Variants in WDR87 observed in about 807,000 individuals in gnomAD.
WDR87 encodes WD repeat-containing protein 87.
Under a neutral mutation model 83.3 loss-of-function variants are expected in WDR87, and 56 were observed. The ratio of observed to expected loss-of-function variants is 0.67; its 90% CI spans 0.54 to 0.84. The LOEUF is 0.84. Ranked by LOEUF, WDR87 falls within the 40% of genes least tolerant of loss-of-function variation. The pLI is 0.00. For missense variants in WDR87, 2,939 were observed against 3,431.9 expected (o/e 0.86, Z 3.59); for synonymous variants, 1,173 against 1,250.6 (o/e 0.94, Z 1.31).
At position 37,885,023 on chromosome 19, in the gene WDR87, T is replaced by C; in HGVS notation, c.8648A>G (p.Tyr2883Cys). Reference sequence around the variant, plus strand: ...CTTCCAGGCAAGTTCTAAGATCCCATACCGGGCAATGCCCACGGGAAGGAT... The same window carrying C: ...CTTCCAGGCAAGTTCTAAGATCCCACACCGGGCAATGCCCACGGGAAGGAT... Reference protein sequence around the residue: ...RTILPVGIARYGILELAWKSL... With the variant: ...RTILPVGIARCGILELAWKSL... The change falls in exon 6 of 6, where the codon TAT (tyrosine) becomes TGT (cysteine). Residue 2883 changes from tyrosine to cysteine, a missense_variant. By Grantham distance (194) the Tyr-to-Cys change is radical (BLOSUM62 -2). Around this residue, in one of 3 missense-constraint regions of WDR87, gnomAD observed 2,160 missense variants for 2,533.1 expected, o/e 0.85. Transcript: ENST00000447313. 1.4e-6 allele frequency: 2 copies of C among 1,439,730 alleles called. No homozygotes were observed. Among genetic ancestry groups the C allele is most frequent in the Admixed American group, 2.9e-5 (1 of 34,886 alleles). The allele number at this position is 1,439,730 out of a possible 1,614,324, so 89.2% of individuals were successfully genotyped here.
chr19:37,898,041 G>T, intron 2 of WDR87, 124 bp downstream of exon 2: 2 of 1,089,552 alleles, frequency 1.8e-6, no homozygotes, highest in Non-Finnish European at 2.6e-6. Flanking sequence ...CTAAGGTGGT[G>T]ACTATAGTAT....
Position 37,887,337 on chromosome 19 carries a change from G to A in WDR87, c.6334C>T (p.Leu2112=), listed in dbSNP as rs1342564655. ...RESLSKEPAK[L]NKILKALQKL... ...TGAAGTGCCTTTAAGATTTTGTTCA[G>A]TTTTGCTGGTTCCTTGGAAAGGCTC... Residue 2112 remains leucine (L), a synonymous_variant, in exon 6 of 6, where the codon CTG becomes TTG. Transcript: ENST00000447313. 6.4e-7 allele frequency: 1 copy of A among 1,551,432 alleles called. No homozygotes were observed. The highest frequency in any genetic ancestry group is 1.4e-5 in the African/African-American group (1 of 73,028).
chr19:37,890,555 A>G (rs1014513495), intron 5 of WDR87, among the ~76,000 whole-genome samples: 13 of 152,056 alleles, frequency 8.5e-5, no homozygotes, highest in Admixed American at 4.6e-4. Flanking sequence ...AATTTTACTG[A>G]GGTATAATTT....
intron 2 of WDR87, among the ~76,000 whole-genome samples, 176 bp downstream of exon 2, chr19:37,897,989 C>T (rs543471448): frequency 7.3e-4 from 111 of 152,262 alleles, no homozygotes; most frequent in African/African-American, 2.4e-3. Context: ...AATGTCCTTG[C>T]GAGAAGTCTG....
chr19:37,894,692 A>G lies in WDR87; in HGVS notation c.1011T>C (p.Thr337=). The change falls in exon 4 of 6, where the codon ACT becomes ACC. Residue 337 remains threonine (T), a synonymous_variant. Coordinates refer to ENST00000447313, the MANE Select transcript of WDR87 (RefSeq NM_001291088.2). ...LYRLQFIDSI[T]FFCQTAHSFS... ...AACTATGGGCAGTTTGGCAGAAGAA[A>G]GTAATGCTGTCAATAAACTGGAGCC... is the stretch of plus-strand genomic sequence containing the variant. 6.4e-7 allele frequency: 1 copy of G among 1,551,760 alleles called. No homozygotes were observed. The highest frequency in any genetic ancestry group is 8.7e-7 in the Non-Finnish European group (1 of 1,147,006).
intron 1 of WDR87, among the ~76,000 whole-genome samples, chr19:37,906,270 A>C (rs2046327889): frequency 6.6e-6 from 1 of 151,998 alleles, no homozygotes; most frequent in Non-Finnish European, 1.5e-5. Flanking sequence ...AGGTGTAGGT[A>C]CTCTACAAAC....
rs1599767094 is a variant in WDR87, at chr19:37,894,768, A to G, written c.935T>C (p.Leu312Pro). The G allele has an allele frequency of 4.5e-6, 7 of 1,551,742 alleles. No individual in the cohort carries two copies. The East Asian group carries it at 1.7e-4, about 38-fold the overall frequency. Residue 312 changes from leucine (L) to proline (P), a missense_variant, in exon 4 of 6, where the codon CTG becomes CCG. Coordinates refer to ENST00000447313, the MANE Select transcript of WDR87 (RefSeq NM_001291088.2). ...GSDSLIKEWNLTSGSLLRRLE... is the reference protein window; with the variant it reads ...GSDSLIKEWNPTSGSLLRRLE... Reference sequence around the variant, plus strand: ...CCGCCGAAGCAGGCTCCCTGAAGTCAGGTTCCACTCCTTGATTAGGCTGTC... The same window carrying G: ...CCGCCGAAGCAGGCTCCCTGAAGTCGGGTTCCACTCCTTGATTAGGCTGTC...
chr19:37,886,746 T>A lies in WDR87; in HGVS notation c.6925A>T (p.Lys2309Ter). The change falls in exon 6 of 6, where the codon AAG (lysine) becomes TAG (stop). Residue 2309 changes from lysine (K) to a stop codon, truncating the protein, a stop_gained. Transcript: ENST00000447313. LOFTEE classifies it low-confidence loss of function (END_TRUNC). The stretch of plus-strand genomic sequence containing the variant: ...TTCTCCTCCCCTTCCTCCTCCTCCT[T>A]CCTTTCCTCCTCCTCCTCCCTTTCC... ...EEEREEEEER[K>*]EEEEGEEKQV... The A allele has an allele frequency of 1.4e-6, 2 of 1,466,558 alleles. No individual in the cohort carries two copies. The highest frequency in any genetic ancestry group is 1.8e-6 in the Non-Finnish European group (2 of 1,087,466). 90.8% of individuals were successfully genotyped at this position (1,466,558 alleles called of 1,614,324 possible). A position where few individuals can be genotyped will look rare whatever the true frequency, so the allele number is the denominator to read the frequency against.
chr19:37,889,654 A>T lies in WDR87; in HGVS notation c.4017T>A (p.Val1339=). 6.4e-7 allele frequency: 1 copy of T among 1,551,806 alleles called. No homozygotes were observed. Among genetic ancestry groups the T allele is most frequent in the Non-Finnish European group, 8.7e-7 (1 of 1,147,036 alleles). The change falls in exon 6 of 6, where the codon GTT becomes GTA. Residue 1339 remains valine, a synonymous_variant. Coordinates refer to ENST00000447313, the MANE Select transcript of WDR87 (RefSeq NM_001291088.2). ...CATCCCAATCAAGGTCCTCAAGCAGAACCTTACTTTCTTTCTTCAATAGGG... is the reference window on the plus strand; with the variant it reads ...CATCCCAATCAAGGTCCTCAAGCAGTACCTTACTTTCTTTCTTCAATAGGG... ...ICPLLKKESK[V]LLEDLDWDVV...
In WDR87 at chr19:37,885,457, A is replaced by G. The variant is rs1435723967; in HGVS notation, c.8214T>C (p.Asp2738=). The change falls in exon 6 of 6, where the codon GAT becomes GAC. Residue 2738 remains aspartate, a synonymous_variant. Coordinates refer to ENST00000447313, the MANE Select transcript of WDR87 (RefSeq NM_001291088.2). ...MFQKDFWDFK[D]KRRFPKLPKL... is the part of the protein sequence containing the mutation. ...TGGGCAGTTTAGGAAACCTGCGTTT[A>G]TCCTTAAAATCCCAGAAGTCCTTTT... The G allele has an allele frequency of 6.4e-7, 1 of 1,551,464 alleles. No homozygotes were observed.
chr19:37,899,197 T>C (rs377133998), intron 1 of WDR87, among the ~76,000 whole-genome samples: 4 of 151,956 alleles, frequency 2.6e-5, no homozygotes, highest in African/African-American at 7.3e-5. Flanking sequence ...GGAGGATAGA[T>C]CACCTGAGGT....
chr19:37,904,320 G>GAAGT (rs774019394), intron 1 of WDR87, among the ~76,000 whole-genome samples: 1 of 151,242 alleles, frequency 6.6e-6, no homozygotes, highest in Non-Finnish European at 1.5e-5. Flanking sequence ...CCCCTTCCCA[G>GAAGT]AAGTAACTCT....
Position 37,893,700 on chromosome 19 carries a change from C to G in WDR87, c.2003G>C (p.Ser668Thr). 6.4e-7 allele frequency: 1 copy of G among 1,551,780 alleles called. No homozygotes were observed. Among genetic ancestry groups the G allele is most frequent in the Non-Finnish European group, 8.7e-7 (1 of 1,146,996 alleles). Reference protein sequence around the residue: ...RGDLLVTFNQSLYLVSCLKLL... With the variant: ...RGDLLVTFNQTLYLVSCLKLL... ...TTTTAAACAGGACACTAGGTAAAGA[C>G]TCTGGTTAAAAGTCACAAGCAGGTC... The change falls in exon 4 of 6, where the codon AGT becomes ACT. Residue 668 changes from serine (S) to threonine (T), a missense_variant. Physicochemically the swap from Ser to Thr is moderately conservative, Grantham distance 58. Transcript: ENST00000447313.
intron 1 of WDR87, among the ~76,000 whole-genome samples, chr19:37,899,967 T>G (rs1210745802): frequency 6.6e-6 from 1 of 152,190 alleles, no homozygotes; most frequent in Admixed American, 6.5e-5. Context: ...TAGAGAACTG[T>G]TGGAGTCCCA....
At position 37,894,644 on chromosome 19, in the gene WDR87, G is replaced by C; in HGVS notation, c.1059C>G (p.Cys353Trp). 6.4e-7 allele frequency: 1 copy of C among 1,551,746 alleles called. No homozygotes were observed. The highest frequency in any genetic ancestry group is 8.7e-7 in the Non-Finnish European group (1 of 1,147,012). The change falls in exon 4 of 6, where the codon TGC (cysteine) becomes TGG (tryptophan). Residue 353 changes from cysteine (C) to tryptophan (W), a missense_variant. Cys to Trp is a radical substitution (Grantham distance 215, BLOSUM62 -2). Around this residue, in one of 3 missense-constraint regions of WDR87, gnomAD observed 553 missense variants for 577.9 expected, o/e 0.96. Coordinates refer to ENST00000447313, the MANE Select transcript of WDR87 (RefSeq NM_001291088.2). ...CACAGACATTGAAGAGGCTGTAGAA[G>C]CAGGGCAGGCGGTGCAAGGAAAAAC... ...AHSFSLHRLP[C>W]FYSLFNVCGS...
At position 37,891,774 on chromosome 19, in the gene WDR87, G is replaced by A. The variant is rs865812301; in HGVS notation, c.3172C>T (p.Arg1058Trp). The A allele has an allele frequency of 1.3e-6, 2 of 1,552,226 alleles. No individual in the cohort carries two copies. Among genetic ancestry groups the A allele is most frequent in the Non-Finnish European group, 1.7e-6 (2 of 1,147,122 alleles). The change falls in exon 5 of 6, where the codon CGG becomes TGG. Residue 1058 changes from arginine to tryptophan, a missense_variant. Arg to Trp is a moderately radical substitution (Grantham distance 101, BLOSUM62 -3). Coordinates refer to ENST00000447313, the MANE Select transcript of WDR87 (RefSeq NM_001291088.2). ...GAAAGGATTTGGAGATCTGTGGCCCGCATCCCCAGTAGATGGTCCAGGGGT... is the reference window on the plus strand; with the variant it reads ...GAAAGGATTTGGAGATCTGTGGCCCACATCCCCAGTAGATGGTCCAGGGGT... ...EEPLDHLLGM[R>W]ATDLQILSTQ...
Position 37,891,703 on chromosome 19 carries a change from A to T in WDR87, c.3243T>A (p.His1081Gln). The change falls in exon 5 of 6, where the codon CAT becomes CAA. Residue 1081 changes from histidine (H) to glutamine (Q), a missense_variant. Around this residue, in one of 3 missense-constraint regions of WDR87, gnomAD observed 2,160 missense variants for 2,533.1 expected, o/e 0.85. Coordinates refer to ENST00000447313, the MANE Select transcript of WDR87 (RefSeq NM_001291088.2). ...AAGAAAAAGCCGGCTTTTCATCTCTATGTGACAGGGTCAGGTTTTCATTCA... is the reference window on the plus strand; with the variant it reads ...AAGAAAAAGCCGGCTTTTCATCTCTTTGTGACAGGGTCAGGTTTTCATTCA... ...QRLNENLTLSHRDEKPAFSLD... is the reference protein window; with the variant it reads ...QRLNENLTLSQRDEKPAFSLD... The T allele has an allele frequency of 6.4e-7, 1 of 1,551,888 alleles. No individual in the cohort carries two copies. Among genetic ancestry groups the T allele is most frequent in the Non-Finnish European group, 8.7e-7 (1 of 1,147,042 alleles).
In WDR87 at chr19:37,887,302, GGTTA is replaced by G. The variant is rs2046157966; in HGVS notation, c.6365_6368del (p.Leu2122ProfsTer7). The G allele has an allele frequency of 6.4e-7, 1 of 1,551,118 alleles. No homozygotes were observed. The highest frequency in any genetic ancestry group is 1.4e-5 in the African/African-American group (1 of 72,900). On this transcript the variant is annotated frameshift_variant, in exon 6 of 6. Coordinates refer to ENST00000447313, the MANE Select transcript of WDR87 (RefSeq NM_001291088.2). LOFTEE classifies it low-confidence loss of function (END_TRUNC). ...CCTGTGTTAGTTTCCTTTCATCCCT[GGTTA>G]GTTTTTGAAGTGCCTTTAAGATTTT... is the stretch of plus-strand genomic sequence containing the variant.
Position 37,891,825 on chromosome 19 carries a change from G to T in WDR87, c.3126-5C>A. Reference sequence around the variant, plus strand: ...TCCTCCCCGATCATCTGCTGCCTATGAAAGTCAAAGGAGAAGAAGGACTAT... The same window carrying T: ...TCCTCCCCGATCATCTGCTGCCTATTAAAGTCAAAGGAGAAGAAGGACTAT... On this transcript the variant is annotated splice_region_variant and splice_polypyrimidine_tract_variant and intron_variant, in intron 4 of 5. Transcript: ENST00000447313. The T allele has an allele frequency of 6.4e-7, 1 of 1,551,040 alleles. No homozygotes were observed. The highest frequency in any genetic ancestry group is 8.7e-7 in the Non-Finnish European group (1 of 1,146,550).
Sources: gnomAD v4.1 joint callset for allele counts (sites outside exome capture counted in the v4.1 genomes callset) on GRCh38, gnomAD v4.1.1 for gene constraint, gnomAD v4.1.1 regional missense constraint, MANE v1.5 for transcripts, NCBI Gene and HGNC (gene_info 2026-07-23, HGNC 2026-07-21) for gene names.